Variants in PARD3 observed in about 807,000 individuals in gnomAD.
PARD3 encodes par-3 family cell polarity regulator.
PARD3 carries 75 observed loss-of-function variants against 155.4 expected under a neutral mutation model. The ratio of observed to expected loss-of-function variants is 0.48; its 90% confidence interval spans 0.40 to 0.58. The LOEUF (loss-of-function observed/expected upper bound fraction) is 0.58, where lower values mean the gene tolerates loss of function less well. Among genes scored for constraint, PARD3 ranks in the 20% least tolerant of loss-of-function variants. PARD3 has a pLI of 0.00. For missense variants in PARD3, 1,642 were observed against 1,721.7 expected (o/e 0.95, Z 0.82); for synonymous variants, 576 against 610.5 (o/e 0.94, Z 0.83).
At chr10:34,801,815 T>C (rs1842864194) in intron 1 of PARD3, among the ~76,000 whole-genome samples, 1 of 152,112 alleles carries the variant, frequency 6.6e-6, no homozygotes, top group South Asian at 2.1e-4. Flanking sequence ...GAGGCCTATA[T>C]AGTAAGGATT....
intron 22 of PARD3, among the ~76,000 whole-genome samples, chr10:34,143,956 CT>C (rs68109040): frequency 0.037 from 5,670 of 151,778 alleles, 239 homozygotes; most frequent in African/African-American, 0.1. Context: ...ATTTTCTGAG[CT>C]TTTTTTTCTA....
intron 1 of PARD3, among the ~76,000 whole-genome samples, chr10:34,716,027 A>G (rs1017380411): frequency 6.6e-6 from 1 of 152,228 alleles, no homozygotes. Context: ...TCAGTTTCAA[A>G]TACAGACATC....
chr10:34,345,733 C>T, intron 15 of PARD3: 1 of 985,170 alleles, frequency 1.0e-6, no homozygotes, highest in Non-Finnish European at 1.2e-6. Flanking sequence ...ATTTTTTTGC[C>T]CCATACCTCT....
intron 4 of PARD3, among the ~76,000 whole-genome samples, chr10:34,456,765 G>A (rs776351276): frequency 2.6e-5 from 4 of 151,980 alleles, no homozygotes; most frequent in Non-Finnish European, 5.9e-5. Context: ...AAATGTTAAA[G>A]GTATTATCCA....
At chr10:34,198,427 A>T (rs908712902) in intron 22 of PARD3, among the ~76,000 whole-genome samples, 1 of 151,106 alleles carries the variant, frequency 6.6e-6, no homozygotes, top group Non-Finnish European at 1.5e-5. Flanking sequence ...AAAATCCATA[A>T]GAATGCCTAT....
At chr10:34,602,316 T>A (rs1590183177) in intron 2 of PARD3, among the ~76,000 whole-genome samples, 1 of 152,344 alleles carries the variant, frequency 6.6e-6, no homozygotes, top group East Asian at 1.9e-4. Flanking sequence ...TATTTTTAAC[T>A]GATAGAATTA....
rs12571334 is a variant in PARD3 at position 34,592,611 on chromosome 10, A to G, written c.223-75452T>C. On this transcript the variant is annotated intron_variant, in intron 2 of 24. Transcript: ENST00000374788. Reference sequence around the variant, plus strand: ...GCCAACATGGTGAAACCCTGTCTCTACTAAAAATACAAAAATTAGCCGAGC... The same window carrying G: ...GCCAACATGGTGAAACCCTGTCTCTGCTAAAAATACAAAAATTAGCCGAGC... Among the ~76,000 whole-genome samples, 10 of 152,222 alleles carry G rather than the reference A, an allele frequency of 6.6e-5. No individual in the cohort carries two copies. The East Asian group carries it at 1.7e-3, about 27-fold the overall frequency.
intron 1 of PARD3, among the ~76,000 whole-genome samples, chr10:34,759,725 A>T (rs994365814): frequency 2.0e-5 from 3 of 152,220 alleles, no homozygotes; most frequent in Non-Finnish European, 4.4e-5. Context: ...AGCCAGCATA[A>T]CGTGTGTGCT....
At chr10:34,141,056 C>T (rs1466815844) in intron 22 of PARD3, among the ~76,000 whole-genome samples, 1 of 152,034 alleles carries the variant, frequency 6.6e-6, no homozygotes, top group East Asian at 1.9e-4. Flanking sequence ...TATGATAATC[C>T]CAGACATTTA....
chr10:34,151,631 T>C (rs1948786811), intron 22 of PARD3, among the ~76,000 whole-genome samples: 1 of 152,190 alleles, frequency 6.6e-6, no homozygotes, highest in African/African-American at 2.4e-5. Flanking sequence ...AAGTCATAAC[T>C]GATGTTATAA....
chr10:34,111,287 T>C lies in PARD3; in HGVS notation c.3944A>G (p.Asp1315Gly), dbSNP rs781216437. The change falls in exon 25 of 25, where the codon GAC (aspartate) becomes GGC (glycine). Residue 1315 changes from aspartate to glycine, a missense_variant. This residue lies in a region of PARD3 where 1,529 missense variants were observed against 1,587.3 expected (regional missense o/e 0.96). Coordinates refer to ENST00000374788, the MANE Select transcript of PARD3 (RefSeq NM_001184785.2). Reference protein sequence around the residue: ...SNYDSYKKVQDPSYAPPKGPF... With the variant: ...SNYDSYKKVQGPSYAPPKGPF... ...CCCCTTGGGAGGGGCGTAACTGGGG[T>C]CCTGGACTTTCTTATACGAGTCATA... is the stretch of plus-strand genomic sequence containing the variant. 6.2e-7 allele frequency: 1 copy of C among 1,613,754 alleles called. No individual in the cohort carries two copies. The highest frequency in any genetic ancestry group is 2.2e-5 in the East Asian group (1 of 44,818).
chr10:34,285,876 T>C (rs1956364846), intron 20 of PARD3, among the ~76,000 whole-genome samples: 1 of 152,076 alleles, frequency 6.6e-6, no homozygotes, highest in Non-Finnish European at 1.5e-5. Context: ...ATTACATATA[T>C]TATTATACAG....
At chr10:34,603,866 C>T (rs2089998165) in intron 2 of PARD3, among the ~76,000 whole-genome samples, 1 of 152,150 alleles carries the variant, frequency 6.6e-6, no homozygotes, top group Non-Finnish European at 1.5e-5. Flanking sequence ...AGACAGCAAC[C>T]AAGGGCACAG....
chr10:34,623,386 G>C (rs117460190), intron 2 of PARD3, among the ~76,000 whole-genome samples: 1 of 152,094 alleles, frequency 6.6e-6, no homozygotes, highest in Non-Finnish European at 1.5e-5. Context: ...AATTTTCTAC[G>C]AATCTTTGAA....
intron 12 of PARD3, among the ~76,000 whole-genome samples, chr10:34,368,742 C>T (rs575603273): frequency 6.7e-6 from 1 of 149,022 alleles, no homozygotes; most frequent in East Asian, 2.0e-4. Context: ...GGTCACTGGG[C>T]TGGGAAAGGA....
At chr10:34,439,335 TC>T (rs1403857673) in intron 5 of PARD3, among the ~76,000 whole-genome samples, 1 of 151,382 alleles carries the variant, frequency 6.6e-6, no homozygotes, top group African/African-American at 2.4e-5. Context: ...TAAACTTAAT[TC>T]CAACACATAT....
chr10:34,522,792 C>T (rs2082233344), intron 2 of PARD3, among the ~76,000 whole-genome samples: 1 of 150,890 alleles, frequency 6.6e-6, no homozygotes, highest in Non-Finnish European at 1.5e-5. Context: ...TTTATTATTT[C>T]ACTTAACAGG....
intron 2 of PARD3, among the ~76,000 whole-genome samples, chr10:34,576,826 T>C (rs1353728096): frequency 1.3e-5 from 2 of 152,244 alleles, no homozygotes; most frequent in Non-Finnish European, 2.9e-5. Context: ...AACATGTCAC[T>C]GTATAGCTTC....
chr10:34,216,228 G>C lies in PARD3; in HGVS notation c.3419+53429C>G, dbSNP rs182252620. 2.6e-5 allele frequency among the ~76,000 whole-genome samples: 4 copies of C among 152,288 alleles called. No individual in the cohort carries two copies. In the East Asian group the frequency reaches 7.7e-4, roughly 29 times the overall value. ...ATATTTAGGAAACATGCACAAAATT[G>C]AGCAAGTGGGATATACCACTTTAAC... On this transcript the variant is annotated intron_variant, in intron 22 of 24. Transcript: ENST00000374788.
Sources: allele counts gnomAD v4.1 joint callset (sites outside exome capture counted in the v4.1 genomes callset), GRCh38; gene constraint gnomAD v4.1.1; regional missense constraint gnomAD v4.1.1; transcripts MANE v1.5; gene names NCBI Gene and HGNC (gene_info 2026-07-23, HGNC 2026-07-21).